VARS1: variants seen among roughly 807,000 people sequenced by gnomAD.
VARS1 encodes valine--tRNA ligase.
In VARS1, 92 loss-of-function variants were observed where a neutral mutation model predicts 161.0. The ratio of observed to expected loss-of-function variants is 0.57; its 90% CI spans 0.48 to 0.68. The LOEUF is 0.68. Among genes scored for constraint, VARS1 ranks in the 30% least tolerant of loss-of-function variants. VARS1 has a pLI of 0.00. For synonymous variants in VARS1, 595 were observed against 682.5 expected, an observed-to-expected ratio of 0.87 and a Z score of 2.00; for missense variants, 1,338 against 1,695.9, an observed-to-expected ratio of 0.79 and a Z score of 3.71.
Position 31,786,615 on chromosome 6 carries a change from G to T in VARS1, c.1101-882C>A, listed in dbSNP as rs1339452974. Among the ~76,000 whole-genome samples, 3 of 119,006 alleles carry T rather than the reference G, an allele frequency of 2.5e-5. No homozygotes were observed. In the Admixed American group the frequency reaches 3.5e-4, roughly 14 times the overall value. The allele number at this position is 119,006 out of a possible 152,430, so 78.1% of individuals were successfully genotyped here. A position where few individuals can be genotyped will look rare whatever the true frequency, so the allele number is the denominator to read the frequency against. Reference sequence around the variant, plus strand: ...TGGGAGGGGGAGGTTGCAGTGAGTTGAAATTGTGCCACTGCACTCCAGCCC... The same window carrying T: ...TGGGAGGGGGAGGTTGCAGTGAGTTTAAATTGTGCCACTGCACTCCAGCCC... On this transcript the variant is annotated intron_variant, in intron 8 of 29. Coordinates refer to ENST00000375663, the MANE Select transcript of VARS1 (RefSeq NM_006295.3).
chr6:31,788,328 C>T (rs1243642728), intron 8 of VARS1, among the ~76,000 whole-genome samples: 1 of 151,236 alleles, frequency 6.6e-6, no homozygotes, highest in African/African-American at 2.4e-5. Flanking sequence ...GGTGAAACCC[C>T]GTCTCTACTA....
intron 2 of VARS1, 102 bp from the exon 3 acceptor site, chr6:31,793,222 A>T: frequency 7.0e-7 from 1 of 1,420,386 alleles, no homozygotes; most frequent in Non-Finnish European, 9.3e-7. Flanking sequence ...CTCACAAATC[A>T]CCACCTCTGA....
At position 31,792,755 on chromosome 6, in the gene VARS1, ACC is replaced by A. The variant is rs1813968285; in HGVS notation, c.661_661+1del. On this transcript the variant is annotated splice_donor_variant and coding_sequence_variant, in exon 4 of 30. Transcript: ENST00000375663. LOFTEE classifies it high-confidence loss of function. ...ATCCTCCAACTCCTCGCCCTTCCTCACCTGGCTGATGAGAGAGAGGCCTGGCT... is the reference window on the plus strand; with the variant it reads ...ATCCTCCAACTCCTCGCCCTTCCTCATGGCTGATGAGAGAGAGGCCTGGCT... 1 of 1,614,040 alleles carries A rather than the reference ACC, an allele frequency of 6.2e-7. No homozygotes were observed.
rs769216789 is a variant in VARS1, at chr6:31,784,304, G to A, written c.1581C>T (p.Ser527=). ...TTGTTGCCACCACCACCTCCTCGTC[G>A]CTATCTGGGGTGACAGAAGGCCTTG... is the stretch of plus-strand genomic sequence containing the variant. The part of the protein sequence containing the change: ...SFAYKVQGSD[S]DEEVVVATTR... Residue 527 remains serine (S), a synonymous_variant, in exon 13 of 30, where the codon AGC becomes AGT. Coordinates refer to ENST00000375663, the MANE Select transcript of VARS1 (RefSeq NM_006295.3). The surrounding 1 kb of genome is among the most constrained non-coding windows in gnomAD (Gnocchi z 6.1). The A allele has an allele frequency of 3.7e-5, 59 of 1,614,002 alleles. No homozygotes were observed. The highest frequency in any genetic ancestry group is 4.7e-5 in the Non-Finnish European group (55 of 1,180,042).
chr6:31,784,490 C>T lies in VARS1; in HGVS notation c.1480G>A (p.Glu494Lys), dbSNP rs1207938111. The change falls in exon 12 of 30, where the codon GAG becomes AAG. Residue 494 changes from glutamate (E) to lysine (K), a missense_variant. This residue lies in a region of VARS1 where 902 missense variants were observed against 1,090.3 expected (regional missense o/e 0.83). Transcript: ENST00000375663. The surrounding 1 kb of genome is among the most constrained non-coding windows in gnomAD (Gnocchi z 6.1). Reference sequence around the variant, plus strand: ...GAGAGCAGGGTGCGACCTGTCAGCTCCTTCTTATCCACCTGTAAAATGGGT... The same window carrying T: ...GAGAGCAGGGTGCGACCTGTCAGCTTCTTCTTATCCACCTGTAAAATGGGT... ...AISDIEVDKK[E>K]LTGRTLLSVP... The T allele has an allele frequency of 6.2e-7, 1 of 1,614,074 alleles. No individual in the cohort carries two copies. The highest frequency in any genetic ancestry group is 1.1e-5 in the South Asian group (1 of 91,092).
rs757755859 is a variant in VARS1 at position 31,780,586 on chromosome 6, T to C, written c.2798-18A>G. 6.2e-7 allele frequency: 1 copy of C among 1,612,760 alleles called. No homozygotes were observed. Among genetic ancestry groups the C allele is most frequent in the Non-Finnish European group, 8.5e-7 (1 of 1,179,152 alleles). On this transcript the variant is annotated intron_variant, in intron 24 of 29. Transcript: ENST00000375663. The surrounding 1 kb of genome is among the most constrained non-coding windows in gnomAD (Gnocchi z 5.1). ...GTCACGACCTGGGTCGGGGGTGAGA[T>C]GTGAGTCCTCATCACCCTCTTCCCA...
rs1813215298 is a variant in VARS1, at chr6:31,782,379, C to A, written c.2056G>T (p.Ala686Ser). 2 of 1,612,408 alleles carry A rather than the reference C, an allele frequency of 1.2e-6. No individual in the cohort carries two copies. Among genetic ancestry groups the A allele is most frequent in the African/African-American group, 1.3e-5 (1 of 74,924 alleles). Reference protein sequence around the residue: ...PQWYVRCGEMAQAASAAVTRG... With the variant: ...PQWYVRCGEMSQAASAAVTRG... ...GTCACAGCGGCGCTGGCAGCCTGGGCCATCTCCCCGCAGCGAACGTACCAC... is the reference window on the plus strand; with the variant it reads ...GTCACAGCGGCGCTGGCAGCCTGGGACATCTCCCCGCAGCGAACGTACCAC... The change falls in exon 17 of 30, where the codon GCC (alanine) becomes TCC (serine). Residue 686 changes from alanine (A) to serine (S), a missense_variant. By Grantham distance (99) the Ala-to-Ser change is moderately conservative (BLOSUM62 1). Transcript: ENST00000375663. The surrounding 1 kb of genome is among the most constrained non-coding windows in gnomAD (Gnocchi z 8.3).
chr6:31,786,628 T>G (rs1437098406), intron 8 of VARS1, among the ~76,000 whole-genome samples: 2 of 121,532 alleles, frequency 1.6e-5, no homozygotes, highest in African/African-American at 6.5e-5. Flanking sequence ...ATTGTGCCAC[T>G]GCACTCCAGC....
In VARS1 at chr6:31,792,236, G is replaced by C; in HGVS notation, c.852C>G (p.Thr284=). The change falls in exon 6 of 30, where the codon ACC becomes ACG. Residue 284 remains threonine (T), a synonymous_variant. Transcript: ENST00000375663. ...DPGVITYDLP[T]PPGEKKDVSG... ...TAGTACCTTTCTTTTCCCCGGGTGGGGTTGGGAGGTCATAGGTAATGACCC... is the reference window on the plus strand; with the variant it reads ...TAGTACCTTTCTTTTCCCCGGGTGGCGTTGGGAGGTCATAGGTAATGACCC... The C allele has an allele frequency of 6.2e-7, 1 of 1,613,908 alleles. No individual in the cohort carries two copies. The highest frequency in any genetic ancestry group is 2.2e-5 in the East Asian group (1 of 44,854).
At position 31,785,839 on chromosome 6, in the gene VARS1, A is replaced by G; in HGVS notation, c.1101-106T>C. ...GAGTCAGTGGACTAAATAAAGAAGC[A>G]GGGAGGCCGGACGCGGTGGCTCACG... On this transcript the variant is annotated intron_variant, in intron 8 of 29. Transcript: ENST00000375663. The surrounding 1 kb of genome is among the most constrained non-coding windows in gnomAD (Gnocchi z 6.1). 2 of 1,428,872 alleles carry G rather than the reference A, an allele frequency of 1.4e-6. No individual in the cohort carries two copies. Among genetic ancestry groups the G allele is most frequent in the Non-Finnish European group, 9.3e-7 (1 of 1,075,336 alleles). 88.5% of individuals were successfully genotyped at this position (1,428,872 alleles called of 1,614,324 possible). A position where few individuals can be genotyped will look rare whatever the true frequency, so the allele number is the denominator to read the frequency against.
chr6:31,788,511 C>CAAA (rs71552082), intron 8 of VARS1, among the ~76,000 whole-genome samples: 2 of 138,234 alleles, frequency 1.4e-5, no homozygotes, highest in Admixed American at 1.5e-4. Flanking sequence ...ACAAAAAAAA[C>CAAA]AAAAAAAAAA....
chr6:31,792,141 G>T, intron 6 of VARS1, 76 bp downstream of exon 6: 1 of 1,568,992 alleles, frequency 6.4e-7, no homozygotes, highest in Non-Finnish European at 8.7e-7. Flanking sequence ...AAAGTGGTGA[G>T]AGCAAGAATA....
intron 8 of VARS1, among the ~76,000 whole-genome samples, chr6:31,788,677 C>T (rs908724795): frequency 1.3e-5 from 2 of 151,244 alleles, no homozygotes; most frequent in East Asian, 1.9e-4. Context: ...GGCGTGGTGG[C>T]GGGCGCCTGT....
chr6:31,784,452 G>A lies in VARS1; in HGVS notation c.1518C>T (p.Tyr506=), dbSNP rs1158700151. The A allele has an allele frequency of 6.2e-7, 1 of 1,614,114 alleles. No individual in the cohort carries two copies. Among genetic ancestry groups the A allele is most frequent in the Non-Finnish European group, 8.5e-7 (1 of 1,180,038 alleles). ...GGACCCCGAACTCCACCTTCTCCTT[G>A]TAGCCAGGCACGGAGAGCAGGGTGC... ...TGRTLLSVPG[Y]KEKVEFGVLV... Residue 506 remains tyrosine (Y), a synonymous_variant, in exon 12 of 30, where the codon TAC becomes TAT. Transcript: ENST00000375663. This position sits in a 1 kb window ranked among gnomAD's most constrained non-coding sequence, Gnocchi z 6.1.
chr6:31,784,739 G>C lies in VARS1; in HGVS notation c.1348-25C>G, dbSNP rs1292889972. 1.9e-6 allele frequency: 3 copies of C among 1,612,726 alleles called. No homozygotes were observed. In the South Asian group the frequency reaches 3.3e-5, roughly 18 times the overall value. On this transcript the variant is annotated intron_variant, in intron 10 of 29. Transcript: ENST00000375663. The surrounding 1 kb of genome is among the most constrained non-coding windows in gnomAD (Gnocchi z 6.1). Reference sequence around the variant, plus strand: ...TCTGGGGTGGAGGAGGGAGAAGTCAGAGAGATGGGCCTTGTGCCTGGAGGC... The same window carrying C: ...TCTGGGGTGGAGGAGGGAGAAGTCACAGAGATGGGCCTTGTGCCTGGAGGC...
Position 31,779,337 on chromosome 6 carries a change from GAAA to G in VARS1, c.3401-48_3401-46del, listed in dbSNP as rs1562292167. 6.2e-7 allele frequency: 1 copy of G among 1,601,314 alleles called. No individual in the cohort carries two copies. Among genetic ancestry groups the G allele is most frequent in the South Asian group, 1.1e-5 (1 of 90,918 alleles). ...GTGAGGCCTAGCTCCATGGAGACAG[GAAA>G]CCAAGCAGTCACTGCCGGACACTGG... is the stretch of plus-strand genomic sequence containing the variant. On this transcript the variant is annotated intron_variant, in intron 28 of 29. Transcript: ENST00000375663. This position sits in a 1 kb window ranked among gnomAD's most constrained non-coding sequence, Gnocchi z 9.1.
Position 31,777,875 on chromosome 6 carries a change from G to A in VARS1, c.3727-213C>T. 3.3e-6 allele frequency: 2 copies of A among 608,708 alleles called. No individual in the cohort carries two copies. Among genetic ancestry groups the A allele is most frequent in the East Asian group, 5.5e-5 (2 of 36,414 alleles). 37.7% of individuals were successfully genotyped at this position (608,708 alleles called of 1,614,324 possible). A position where few individuals can be genotyped will look rare whatever the true frequency, so the allele number is the denominator to read the frequency against. On this transcript the variant is annotated intron_variant, in intron 29 of 29. Coordinates refer to ENST00000375663, the MANE Select transcript of VARS1 (RefSeq NM_006295.3). The surrounding 1 kb of genome is among the most constrained non-coding windows in gnomAD (Gnocchi z 5.8). ...TGGGTCTTGCCTTTTTCCACCAAGT[G>A]GTGAGTCCCCAAGAACAAAGGAACC...
In VARS1 at chr6:31,781,054, C is replaced by T. The variant is rs890102759; in HGVS notation, c.2614G>A (p.Asp872Asn). The T allele has an allele frequency of 1.1e-5, 18 of 1,613,772 alleles. No individual in the cohort carries two copies. The highest frequency in any genetic ancestry group is 1.3e-5 in the Non-Finnish European group (15 of 1,180,038). Residue 872 changes from aspartate (D) to asparagine (N), a missense_variant, in exon 22 of 30, where the codon GAT becomes AAT. Asp to Asn is a conservative substitution (Grantham distance 23, BLOSUM62 1). Around this residue, in one of 3 missense-constraint regions of VARS1, gnomAD observed 433 missense variants for 586.2 expected, o/e 0.74. Transcript: ENST00000375663. This position sits in a 1 kb window ranked among gnomAD's most constrained non-coding sequence, Gnocchi z 6.8. ...KMSKSLGNVI[D>N]PLDVIYGISL... ...ATTCCATAGATGACGTCCAGGGGAT[C>T]GATGACATTGCCTAGAGACTTGCTC...
chr6:31,794,681 G>T, intron 2 of VARS1, 150 bp downstream of exon 2: 1 of 1,123,344 alleles, frequency 8.9e-7, no homozygotes. Flanking sequence ...TATGAAACGT[G>T]CCCAGGGTTA....
Sources: gnomAD v4.1 joint callset for allele counts (sites outside exome capture counted in the v4.1 genomes callset) on GRCh38, gnomAD v4.1.1 for gene constraint, gnomAD v4.1.1 regional missense constraint, Gnocchi (gnomAD v3.1) non-coding constraint, MANE v1.5 for transcripts, NCBI Gene and HGNC (gene_info 2026-07-23, HGNC 2026-07-21) for gene names.